The following RCAN2 variants were observed in gnomAD, a reference collection of about 807,000 sequenced individuals.
The protein encoded by RCAN2 is regulator of calcineurin 2.
In RCAN2, 9 loss-of-function variants were observed where a neutral mutation model predicts 23.6. The ratio of observed to expected loss-of-function variants is 0.38; its 90% confidence interval spans 0.23 to 0.67. The LOEUF is 0.67. RCAN2 is among the 30% of genes least tolerant of loss of function. The probability of loss-of-function intolerance (pLI) is 0.51; values close to 1 mark genes in which losing one functional copy is unlikely to be tolerated. For synonymous variants in RCAN2, 109 were observed against 115.7 expected (o/e 0.94, Z 0.37); for missense variants, 273 against 302.3 (o/e 0.90, Z 0.72).
chr6:46,457,751 T>C (rs943773513), intron 1 of RCAN2, among the ~76,000 whole-genome samples: 34 of 152,162 alleles, frequency 2.2e-4, no homozygotes, highest in African/African-American at 8.2e-4. Context: ...CCTAAAAAAA[T>C]CAGTGCTATC....
At chr6:46,335,957 A>G (rs146548057) in intron 2 of RCAN2, among the ~76,000 whole-genome samples, 1 of 152,212 alleles carries the variant, frequency 6.6e-6, no homozygotes, top group Non-Finnish European at 1.5e-5. Context: ...TTTAGAGATG[A>G]TGTAATTTGC....
chr6:46,252,506 C>T (rs1229926604), intron 2 of RCAN2, among the ~76,000 whole-genome samples: 1 of 152,010 alleles, frequency 6.6e-6, no homozygotes, highest in East Asian at 1.9e-4. Context: ...TATTGAGGAT[C>T]CTAAAGAATT....
chr6:46,482,000 A>AT (rs34480019), intron 1 of RCAN2, among the ~76,000 whole-genome samples: 64,376 of 151,940 alleles, frequency 0.42, 16,296 homozygotes, highest in Non-Finnish European at 0.58. Context: ...AAGAAGAGGC[A>AT]TAATTTTGAT....
At chr6:46,355,035 T>C (rs1764782638) in intron 2 of RCAN2, among the ~76,000 whole-genome samples, 1 of 152,090 alleles carries the variant, frequency 6.6e-6, no homozygotes, top group South Asian at 2.1e-4. Context: ...CTAGCAATTG[T>C]TCATAGTAGT....
At chr6:46,455,520 T>C (rs1313067101) in intron 2 of RCAN2, among the ~76,000 whole-genome samples, 2 of 151,822 alleles carry the variant, frequency 1.3e-5, no homozygotes, top group Admixed American at 6.6e-5. Context: ...CCATAAAGCC[T>C]ACTCTTATAC....
Position 46,387,111 on chromosome 6 carries a change from C to T in RCAN2, c.225+69641G>A, listed in dbSNP as rs547370136. Among the ~76,000 whole-genome samples the T allele has an allele frequency of 6.2e-4, 95 of 152,086 alleles. 1 individual carries two copies. The highest frequency in any genetic ancestry group is 3.4e-3 in the Middle Eastern group (1 of 294). ...TATACAAAAATTAATTCAAGATGGA[C>T]TAAAGACTTAAATGTTAGACCTAAA... On this transcript the variant is annotated intron_variant, in intron 2 of 4. Coordinates refer to ENST00000371374, the MANE Select transcript of RCAN2 (RefSeq NM_001251974.2).
intron 2 of RCAN2, among the ~76,000 whole-genome samples, chr6:46,411,145 A>C (rs757852315): frequency 1.3e-5 from 2 of 152,274 alleles, no homozygotes; most frequent in Non-Finnish European, 2.9e-5. Context: ...TGAATGGATA[A>C]GCAAAATGTG....
At chr6:46,387,738 C>T (rs527704833) in intron 2 of RCAN2, among the ~76,000 whole-genome samples, 4 of 152,172 alleles carry the variant, frequency 2.6e-5, no homozygotes, top group South Asian at 2.1e-4. Flanking sequence ...TTTGACCCAG[C>T]GATCCCATTA....
At chr6:46,227,725 A>T (rs1582004019) in intron 4 of RCAN2, among the ~76,000 whole-genome samples, 1 of 151,346 alleles carries the variant, frequency 6.6e-6, no homozygotes, top group African/African-American at 2.4e-5. Context: ...TGATCTTTTC[A>T]AAAAACCAGA....
At chr6:46,228,475 A>C (rs1436484301) in intron 4 of RCAN2, among the ~76,000 whole-genome samples, 1 of 152,202 alleles carries the variant, frequency 6.6e-6, no homozygotes, top group African/African-American at 2.4e-5. Context: ...GGGTGCATAT[A>C]TATTTAGGAT....
At chr6:46,264,797 A>T (rs952798238) in intron 2 of RCAN2, among the ~76,000 whole-genome samples, 1 of 152,204 alleles carries the variant, frequency 6.6e-6, no homozygotes, top group Non-Finnish European at 1.5e-5. Flanking sequence ...TTACATTTTC[A>T]TGTGGGAATT....
chr6:46,325,696 A>G, intron 2 of RCAN2: 1 of 1,360,142 alleles, frequency 7.4e-7, no homozygotes, highest in Admixed American at 3.3e-5. Context: ...CGCTCATGGC[A>G]ATGACATCAC....
At chr6:46,306,587 G>A (rs1032638580) in intron 2 of RCAN2, among the ~76,000 whole-genome samples, 1 of 152,124 alleles carries the variant, frequency 6.6e-6, no homozygotes, top group Non-Finnish European at 1.5e-5. Flanking sequence ...CTGGTAAACT[G>A]TTATATTAAC....
chr6:46,298,282 G>T (rs1474160361), intron 2 of RCAN2, among the ~76,000 whole-genome samples: 1 of 152,064 alleles, frequency 6.6e-6, no homozygotes, highest in Non-Finnish European at 1.5e-5. Context: ...ACCCGTAGTT[G>T]TAAATATGAC....
At chr6:46,436,226 T>C (rs528359098) in intron 2 of RCAN2, among the ~76,000 whole-genome samples, 1 of 152,342 alleles carries the variant, frequency 6.6e-6, no homozygotes, top group African/African-American at 2.4e-5. Flanking sequence ...GGTTTCTTTT[T>C]CTTGAGATGG....
At chr6:46,335,876 G>T (rs1282490100) in intron 2 of RCAN2, among the ~76,000 whole-genome samples, 1 of 152,024 alleles carries the variant, frequency 6.6e-6, no homozygotes, top group African/African-American at 2.4e-5. Context: ...ATTTCCTTAG[G>T]GCTAACTTTG....
At chr6:46,302,816 G>A (rs148564322) in intron 2 of RCAN2, among the ~76,000 whole-genome samples, 1 of 152,134 alleles carries the variant, frequency 6.6e-6, no homozygotes, top group Non-Finnish European at 1.5e-5. Context: ...CTCATTTAGT[G>A]CTTACAACAA....
chr6:46,353,297 A>C (rs1017287233), intron 2 of RCAN2, among the ~76,000 whole-genome samples: 5 of 152,094 alleles, frequency 3.3e-5, no homozygotes, highest in African/African-American at 9.7e-5. Flanking sequence ...GCAAATGGGT[A>C]CTTTCTCATC....
At chr6:46,343,837 T>C (rs2150374375) in intron 2 of RCAN2, among the ~76,000 whole-genome samples, 1 of 152,220 alleles carries the variant, frequency 6.6e-6, no homozygotes. Flanking sequence ...GGCCAAAAAA[T>C]GAAAATAATA....
Sources: allele counts gnomAD v4.1 joint callset (sites outside exome capture counted in the v4.1 genomes callset), GRCh38; gene constraint gnomAD v4.1.1; transcripts MANE v1.5; gene names NCBI Gene and HGNC (gene_info 2026-07-23, HGNC 2026-07-21).